Variants in SIAH3 observed in about 807,000 individuals in gnomAD.
SIAH3 encodes siah E3 ubiquitin protein ligase family member 3.
SIAH3 carries 9 observed loss-of-function variants against 12.6 expected under a neutral mutation model. The observed-to-expected ratio is 0.72, with a 90% CI of 0.43 to 1.25. SIAH3 has a LOEUF of 1.25. Among genes scored for constraint, SIAH3 ranks in the 50% most tolerant of loss-of-function variants. The probability of loss-of-function intolerance (pLI) is 0.00; values close to 1 mark genes in which losing one functional copy is unlikely to be tolerated. For synonymous variants in SIAH3, 154 were observed against 151.1 expected, an observed-to-expected ratio of 1.02 and a Z score of -0.14; for missense variants, 390 against 365.4, an observed-to-expected ratio of 1.07 and a Z score of -0.55.
intron 1 of SIAH3, among the ~76,000 whole-genome samples, chr13:45,842,582 C>T (rs980893371): frequency 6.6e-6 from 1 of 152,126 alleles, no homozygotes; most frequent in Non-Finnish European, 1.5e-5. Flanking sequence ...CCCCTGGGCT[C>T]AAGAATCCTT....
intron 1 of SIAH3, among the ~76,000 whole-genome samples, chr13:45,837,883 A>G (rs190137735): frequency 1.1e-4 from 16 of 152,332 alleles, no homozygotes; most frequent in African/African-American, 3.8e-4. Context: ...CAACATGTTG[A>G]GAAGTGTTTA....
intron 1 of SIAH3, among the ~76,000 whole-genome samples, chr13:45,837,097 G>A (rs1039314566): frequency 3.3e-5 from 5 of 152,156 alleles, no homozygotes; most frequent in African/African-American, 4.8e-5. Flanking sequence ...AGTGGCCTTC[G>A]TCTTCTCAGC....
intron 1 of SIAH3, among the ~76,000 whole-genome samples, chr13:45,827,808 TAA>T (rs1950684247): frequency 6.6e-6 from 1 of 152,204 alleles, no homozygotes. Context: ...CCTCTACCAA[TAA>T]AGTTTTTAAT....
intron 1 of SIAH3, among the ~76,000 whole-genome samples, chr13:45,842,638 G>A (rs1218771659): frequency 4.6e-5 from 7 of 152,212 alleles, no homozygotes; most frequent in East Asian, 1.9e-4. Flanking sequence ...GTGAACCACC[G>A]TGCCTGGCCT....
intron 1 of SIAH3, among the ~76,000 whole-genome samples, chr13:45,821,498 T>C (rs1312840664): frequency 2.0e-5 from 3 of 152,248 alleles, no homozygotes; most frequent in Non-Finnish European, 4.4e-5. Flanking sequence ...CCATTGGTTC[T>C]TAAAGGCCTG....
At chr13:45,815,106 C>T (rs909076291) in intron 1 of SIAH3, among the ~76,000 whole-genome samples, 14 of 150,064 alleles carry the variant, frequency 9.3e-5, no homozygotes, top group Non-Finnish European at 1.8e-4. Flanking sequence ...TTTTAATCAA[C>T]CATTTCAAAC....
chr13:45,807,215 C>T (rs1950600984), intron 1 of SIAH3, among the ~76,000 whole-genome samples: 2 of 151,392 alleles, frequency 1.3e-5, no homozygotes, highest in Admixed American at 1.3e-4. Context: ...CGATGATTCA[C>T]TGTTATAAAT....
chr13:45,800,818 T>A (rs777810855), intron 1 of SIAH3, among the ~76,000 whole-genome samples: 5 of 152,216 alleles, frequency 3.3e-5, no homozygotes, highest in African/African-American at 2.4e-5. Flanking sequence ...TCGTTTGTTG[T>A]TTTAACACAA....
intron 1 of SIAH3, among the ~76,000 whole-genome samples, chr13:45,841,126 T>C (rs1424060504): frequency 3.3e-5 from 5 of 152,226 alleles, no homozygotes; most frequent in Admixed American, 2.0e-4. Flanking sequence ...TAAGTCATTA[T>C]ACATCCCTAA....
intron 1 of SIAH3, among the ~76,000 whole-genome samples, chr13:45,831,393 G>C (rs947358435): frequency 1.6e-4 from 25 of 152,024 alleles, no homozygotes; most frequent in African/African-American, 5.6e-4. Context: ...TCAGCAGAAG[G>C]GGGTCATGCG....
At chr13:45,824,507 G>C (rs1364169089) in intron 1 of SIAH3, among the ~76,000 whole-genome samples, 1 of 152,148 alleles carries the variant, frequency 6.6e-6, no homozygotes, top group Non-Finnish European at 1.5e-5. Context: ...GGAAGGCTCT[G>C]GGCCTAACCT....
At chr13:45,831,022 T>C (rs1028905260) in intron 1 of SIAH3, among the ~76,000 whole-genome samples, 9 of 151,638 alleles carry the variant, frequency 5.9e-5, no homozygotes, top group African/African-American at 9.7e-5. Flanking sequence ...TTACTAAAAA[T>C]ACAAAAATTG....
In SIAH3 at chr13:45,825,980, C is replaced by T. The variant is rs144527836; in HGVS notation, c.135+25515G>A. Reference sequence around the variant, plus strand: ...TCCCCCTGGCCCTCAACACCCCAGCCCTGTGTCTTTGTTTCCTGGTTTCTC... The same window carrying T: ...TCCCCCTGGCCCTCAACACCCCAGCTCTGTGTCTTTGTTTCCTGGTTTCTC... On this transcript the variant is annotated intron_variant, in intron 1 of 1. Coordinates refer to ENST00000400405, the MANE Select transcript of SIAH3 (RefSeq NM_198849.3). Among the ~76,000 whole-genome samples the T allele has an allele frequency of 1.9e-3, 292 of 152,288 alleles. 2 individuals carry two copies. Among genetic ancestry groups the T allele is most frequent in the African/African-American group, 6.7e-3 (280 of 41,572 alleles).
At chr13:45,846,996 C>T (rs561830160) in intron 1 of SIAH3, among the ~76,000 whole-genome samples, 5 of 152,330 alleles carry the variant, frequency 3.3e-5, no homozygotes, top group South Asian at 2.1e-4. Flanking sequence ...GAAGAGGCTG[C>T]AAAGCCTTTA....
At position 45,778,484 on chromosome 13, in the gene SIAH3, C is replaced by T. The variant is rs1291821964; in HGVS notation, c.*4899G>A. On this transcript the variant is annotated 3_prime_UTR_variant, in exon 2 of 2. Transcript: ENST00000400405. ...AGGGTGCTCTGTGGCAGAAAATGCT[C>T]TTGAAGCTGCTTAAGCCTCAGAGTC... is the stretch of plus-strand genomic sequence containing the variant. The T allele has an allele frequency of 2.0e-5, 3 of 152,240 alleles. No individual in the cohort carries two copies. Among genetic ancestry groups the T allele is most frequent in the Non-Finnish European group, 4.4e-5 (3 of 68,046 alleles). 9.4% of individuals were successfully genotyped at this position (152,240 alleles called of 1,614,324 possible).
At chr13:45,800,628 C>G (rs1593378260) in intron 1 of SIAH3, among the ~76,000 whole-genome samples, 4 of 152,172 alleles carry the variant, frequency 2.6e-5, no homozygotes, top group Admixed American at 2.6e-4. Flanking sequence ...ATTCGCTGAG[C>G]CTCCCCCACT....
chr13:45,826,445 A>G (rs9595393), intron 1 of SIAH3, among the ~76,000 whole-genome samples: 15,418 of 45,970 alleles, frequency 0.34, 5,099 homozygotes, highest in East Asian at 0.79. Flanking sequence ...GGATGCATGG[A>G]TGGATGGATG....
At chr13:45,846,696 T>A (rs1406086861) in intron 1 of SIAH3, among the ~76,000 whole-genome samples, 1 of 152,236 alleles carries the variant, frequency 6.6e-6, no homozygotes, top group East Asian at 1.9e-4. Flanking sequence ...AAATAGTCCC[T>A]GCAGGTTGAG....
chr13:45,786,701 C>A (rs1017999756), intron 1 of SIAH3, among the ~76,000 whole-genome samples: 1 of 152,182 alleles, frequency 6.6e-6, no homozygotes, highest in East Asian at 1.9e-4. Flanking sequence ...GACTTGGCAG[C>A]CTTCCACTGC....
Sources: gnomAD v4.1 joint callset for allele counts (sites outside exome capture counted in the v4.1 genomes callset) on GRCh38, gnomAD v4.1.1 for gene constraint, MANE v1.5 for transcripts, NCBI Gene and HGNC (gene_info 2026-07-23, HGNC 2026-07-21) for gene names.